Variants in DPP3 observed in about 807,000 individuals in gnomAD.
DPP3 encodes DPP III.
In DPP3, 64 loss-of-function variants were observed where a neutral mutation model predicts 89.8. That is an observed-to-expected ratio of 0.71 (90% CI 0.58 to 0.88). The LOEUF is 0.88. Among genes scored for constraint, DPP3 ranks in the 40% least tolerant of loss-of-function variants. DPP3 has a pLI of 0.00. For missense variants in DPP3, 835 were observed against 972.5 expected (o/e 0.86, Z 1.88); for synonymous variants, 377 against 404.3 (o/e 0.93, Z 0.81).
intron 4 of DPP3, 60 bp from the exon 5 acceptor site, chr11:66,487,208 G>C (rs953000815): frequency 5.8e-6 from 9 of 1,541,234 alleles, no homozygotes; most frequent in Non-Finnish European, 8.1e-6. Flanking sequence ...GGAATATGAC[G>C]TCCCTGCAGC....
At chr11:66,481,801 C>T (rs1855090636) in intron 1 of DPP3, among the ~76,000 whole-genome samples, 1 of 152,074 alleles carries the variant, frequency 6.6e-6, no homozygotes, top group South Asian at 2.1e-4. Context: ...GTGCCTGGCA[C>T]CAAGCCTGGC....
chr11:66,506,250 C>G (rs1855798453), intron 17 of DPP3, among the ~76,000 whole-genome samples: 1 of 150,384 alleles, frequency 6.6e-6, no homozygotes, highest in Non-Finnish European at 1.5e-5. Flanking sequence ...CCATACCCGG[C>G]TATTTTATTT....
At chr11:66,505,841 G>A (rs1353702353) in intron 17 of DPP3, among the ~76,000 whole-genome samples, 1 of 150,634 alleles carries the variant, frequency 6.6e-6, no homozygotes, top group Non-Finnish European at 1.5e-5. Context: ...GCATTGTCCT[G>A]GGCAGTTGTG....
At chr11:66,493,436 A>G (rs1320253451) in intron 11 of DPP3, 105 bp from the exon 12 acceptor site, 21 of 1,216,944 alleles carry the variant, frequency 1.7e-5, no homozygotes, top group Non-Finnish European at 2.3e-5. Context: ...GCCTTTACCA[A>G]GCACATGCAC....
intron 9 of DPP3, 117 bp from the exon 10 acceptor site, chr11:66,492,598 TC>T (rs1855420501): frequency 7.9e-7 from 1 of 1,266,160 alleles, no homozygotes; most frequent in African/African-American, 1.5e-5. Context: ...ATCCCCATCT[TC>T]CAGCCCAGGG....
At chr11:66,496,389 GC>G (rs1278683430) in intron 15 of DPP3, among the ~76,000 whole-genome samples, 2 of 151,000 alleles carry the variant, frequency 1.3e-5, no homozygotes, top group African/African-American at 4.9e-5. Flanking sequence ...GACTATAGGC[GC>G]ACCACCACAC....
chr11:66,493,688 A>G (rs1355929782), intron 12 of DPP3, 55 bp downstream of exon 12: 5 of 1,528,066 alleles, frequency 3.3e-6, no homozygotes, highest in East Asian at 2.4e-5. Flanking sequence ...ACTCCCCACA[A>G]CCTGCCCTAC....
intron 2 of DPP3, 93 bp downstream of exon 2, chr11:66,482,563 G>A: frequency 1.3e-6 from 2 of 1,530,880 alleles, no homozygotes; most frequent in Non-Finnish European, 1.8e-6. Flanking sequence ...GGGGTAGGTG[G>A]AGGATTAGAC....
chr11:66,506,482 T>G (rs773509372), intron 17 of DPP3, among the ~76,000 whole-genome samples: 187 of 152,138 alleles, frequency 1.2e-3, no homozygotes, highest in Middle Eastern at 3.4e-3. Context: ...CTCGAACTCC[T>G]GACCTCAGGT....
At chr11:66,508,882 C>T (rs1047067715) in intron 17 of DPP3, among the ~76,000 whole-genome samples, 197 bp from the exon 18 acceptor site, 2 of 152,164 alleles carry the variant, frequency 1.3e-5, no homozygotes, top group Non-Finnish European at 2.9e-5. Context: ...AATACTCCCC[C>T]TGTAGTATTT....
chr11:66,486,666 C>A lies in DPP3; in HGVS notation c.487C>A (p.Leu163Met), dbSNP rs112484606. ...SLEPRLRHLG[L>M]GKEGITTYFS... is the part of the protein sequence containing the mutation. The stretch of plus-strand genomic sequence containing the variant: ...GGAGCCAAGGCTTCGACACCTCGGA[C>A]TGGGGAAGGAGGTGAGGCCCCTGAC... Residue 163 changes from leucine (L) to methionine (M), a missense_variant, in exon 4 of 18, where the codon CTG (leucine) becomes ATG (methionine). Coordinates refer to ENST00000531863, the MANE Select transcript of DPP3 (RefSeq NM_130443.4). 1,505 of 1,542,716 alleles carry A rather than the reference C, an allele frequency of 9.8e-4. 10 individuals are homozygous for A. In the African/African-American group the frequency reaches 0.018, roughly 18 times the overall value.
At chr11:66,508,351 A>G (rs1261908963) in intron 17 of DPP3, among the ~76,000 whole-genome samples, 3 of 152,108 alleles carry the variant, frequency 2.0e-5, no homozygotes, top group East Asian at 1.9e-4. Flanking sequence ...ATGTGTGACT[A>G]TGTCATCACT....
chr11:66,491,120 G>T, intron 6 of DPP3, 133 bp from the exon 7 acceptor site: 1 of 1,348,152 alleles, frequency 7.4e-7, no homozygotes, highest in East Asian at 2.3e-5. Context: ...GTTGGCTACA[G>T]GGAGCCATTG....
Position 66,491,636 on chromosome 11 carries a change from G to A in DPP3, c.929+12G>A, listed in dbSNP as rs372691317. 1.4e-5 allele frequency: 23 copies of A among 1,611,204 alleles called. No homozygotes were observed. The highest frequency in any genetic ancestry group is 1.3e-5 in the Non-Finnish European group (15 of 1,177,846). ...CCCATCGTGGAGAGGTGAGGCGCCA[G>A]CTCCACCCCACCTGCCCCCTCCTGC... On this transcript the variant is annotated intron_variant, in intron 8 of 17. Coordinates refer to ENST00000531863, the MANE Select transcript of DPP3 (RefSeq NM_130443.4).
intron 5 of DPP3, among the ~76,000 whole-genome samples, chr11:66,487,555 C>G (rs1855265453): frequency 6.6e-6 from 1 of 152,136 alleles, no homozygotes; most frequent in African/African-American, 2.4e-5. Flanking sequence ...GTGTGAGGCT[C>G]CGGGGTCCAT....
At chr11:66,501,579 C>G (rs57458798) in intron 16 of DPP3, among the ~76,000 whole-genome samples, 3,014 of 152,090 alleles carry the variant, frequency 0.02, 88 homozygotes, top group African/African-American at 0.069. Flanking sequence ...AATCCCAGCA[C>G]TTTGGGAGGC....
rs200748186 is a variant in DPP3 at position 66,480,474 on chromosome 11, C to T, written c.-9+9C>T. On this transcript the variant is annotated intron_variant, in intron 1 of 17. Coordinates refer to ENST00000531863, the MANE Select transcript of DPP3 (RefSeq NM_130443.4). ...CGGAGCAGCTGCTGCAGGTGAGGCG[C>T]GGCGCCTGGGCTTTTGGGGTCAAAG... 19 of 1,488,286 alleles carry T rather than the reference C, an allele frequency of 1.3e-5. No homozygotes were observed. Among genetic ancestry groups the T allele is most frequent in the Non-Finnish European group, 1.6e-5 (18 of 1,126,654 alleles). The allele number at this position is 1,488,286 out of a possible 1,614,324, so 92.2% of individuals were successfully genotyped here. A position where few individuals can be genotyped will look rare whatever the true frequency, so the allele number is the denominator to read the frequency against.
At position 66,504,797 on chromosome 11, in the gene DPP3, C is replaced by T. The variant is rs551593905; in HGVS notation, c.2041+23C>T. On this transcript the variant is annotated intron_variant, in intron 17 of 17. Coordinates refer to ENST00000531863, the MANE Select transcript of DPP3 (RefSeq NM_130443.4). The stretch of plus-strand genomic sequence containing the variant: ...AAGGTAATGAGGTAATGAGGGAGCT[C>T]TTGAGCTCCCTTGATGAGCACCACA... 14 of 1,595,732 alleles carry T rather than the reference C, an allele frequency of 8.8e-6. No homozygotes were observed. The Admixed American group carries it at 1.4e-4, about 16-fold the overall frequency.
Position 66,491,483 on chromosome 11 carries a change from G to A in DPP3, c.799-11G>A, listed in dbSNP as rs201889756. ...GGTGGCCCGAGGCTGACCGACCCCC[G>A]CTCACCTCAGGCCTATGCAGCCAAC... On this transcript the variant is annotated splice_polypyrimidine_tract_variant and intron_variant, in intron 7 of 17. Coordinates refer to ENST00000531863, the MANE Select transcript of DPP3 (RefSeq NM_130443.4). The A allele has an allele frequency of 5.9e-4, 937 of 1,599,554 alleles. 21 individuals carry two copies. The East Asian group carries it at 0.016, about 27-fold the overall frequency.
Sources: allele counts gnomAD v4.1 joint callset (sites outside exome capture counted in the v4.1 genomes callset), GRCh38; gene constraint gnomAD v4.1.1; transcripts MANE v1.5; gene names NCBI Gene and HGNC (gene_info 2026-07-23, HGNC 2026-07-21).